The following STARD13 variants were observed in gnomAD, a reference collection of about 807,000 sequenced individuals.
STARD13 encodes stAR-related lipid transfer protein 13.
Under a neutral mutation model 106.4 loss-of-function variants are expected in STARD13, and 62 were observed. The ratio of observed to expected loss-of-function variants is 0.58; its 90% CI spans 0.48 to 0.72. STARD13 has a LOEUF of 0.72. Ranked by LOEUF, STARD13 falls within the 30% of genes least tolerant of loss-of-function variation. The pLI, the probability that STARD13 is intolerant of heterozygous loss-of-function variation, is 0.00. For synonymous variants in STARD13, 565 were observed against 553.0 expected (o/e 1.02, Z -0.31); for missense variants, 1,387 against 1,424.0 (o/e 0.97, Z 0.42).
the STARD13 span, among the ~76,000 whole-genome samples, chr13:33,559,880 GCTT>G: frequency 2.5e-4 from 38 of 151,406 alleles, 3 homozygotes; most frequent in African/African-American, 8.8e-4. Context: ...AGACACTAGA[GCTT>G]CTTCTCTGCC....
chr13:33,260,740 C>G (rs527610648), intron 1 of STARD13, among the ~76,000 whole-genome samples: 1 of 152,322 alleles, frequency 6.6e-6, no homozygotes, highest in Admixed American at 6.5e-5. Context: ...CTTACCAAAA[C>G]ATTTACATAA....
intron 3 of STARD13, among the ~76,000 whole-genome samples, chr13:33,164,920 G>C (rs960816370): frequency 6.6e-6 from 1 of 152,082 alleles, no homozygotes; most frequent in Non-Finnish European, 1.5e-5. Flanking sequence ...TAGTTTTTCA[G>C]AGCCTTCCCT....
the STARD13 span, among the ~76,000 whole-genome samples, chr13:33,380,487 AC>A: frequency 3.8e-3 from 273 of 71,648 alleles, 4 homozygotes; most frequent in African/African-American, 0.015. Flanking sequence ...CACCCCCCCC[AC>A]ACACAAATTC....
At chr13:33,218,858 T>C (rs936362970) in intron 1 of STARD13, among the ~76,000 whole-genome samples, 1 of 152,168 alleles carries the variant, frequency 6.6e-6, no homozygotes, top group African/African-American at 2.4e-5. Flanking sequence ...CTGTGATAAA[T>C]ACGAATTAGG....
chr13:33,671,089 T>A, the STARD13 span, among the ~76,000 whole-genome samples: 3 of 152,378 alleles, frequency 2.0e-5, no homozygotes, highest in East Asian at 5.8e-4. Flanking sequence ...TTGCACCCTA[T>A]GTATTTTGTG....
At chr13:33,612,399 C>T in the STARD13 span, among the ~76,000 whole-genome samples, 1 of 152,062 alleles carries the variant, frequency 6.6e-6, no homozygotes, top group Non-Finnish European at 1.5e-5. Context: ...TGATGCCTTC[C>T]TGTGTGTGTG....
the STARD13 span, among the ~76,000 whole-genome samples, chr13:33,558,249 C>T: frequency 1.3e-5 from 2 of 152,156 alleles, no homozygotes; most frequent in African/African-American, 2.4e-5. Context: ...GTACATACCT[C>T]TCTATGCCTC....
intron 1 of STARD13, among the ~76,000 whole-genome samples, chr13:33,320,561 G>C (rs946009062): frequency 6.6e-6 from 1 of 152,056 alleles, no homozygotes; most frequent in African/African-American, 2.4e-5. Flanking sequence ...CCTCCTCTCA[G>C]GTGTACTCAG....
At chr13:33,330,641 G>A (rs571092085) in intron 1 of STARD13, among the ~76,000 whole-genome samples, 61 of 151,992 alleles carry the variant, frequency 4.0e-4, no homozygotes, top group African/African-American at 1.1e-3. Flanking sequence ...TAACTATTGC[G>A]CAAAAGTCCT....
chr13:33,122,243 A>T (rs1275073712), intron 7 of STARD13, among the ~76,000 whole-genome samples: 1 of 152,156 alleles, frequency 6.6e-6, no homozygotes, highest in Non-Finnish European at 1.5e-5. Context: ...CGGCCTCCCA[A>T]AGTGTTGGGA....
the STARD13 span, among the ~76,000 whole-genome samples, chr13:33,544,076 A>G: frequency 6.6e-6 from 1 of 152,250 alleles, no homozygotes; most frequent in African/African-American, 2.4e-5. Flanking sequence ...CAAGTATACT[A>G]AATATTTCAG....
intron 1 of STARD13, among the ~76,000 whole-genome samples, chr13:33,307,928 G>A (rs1238004564): frequency 6.6e-6 from 1 of 152,196 alleles, no homozygotes; most frequent in African/African-American, 2.4e-5. Context: ...AAGAGCAATT[G>A]TGGTTTCCTT....
intron 1 of STARD13, among the ~76,000 whole-genome samples, chr13:33,233,862 G>A (rs570121527): frequency 3.3e-5 from 5 of 152,368 alleles, no homozygotes; most frequent in Admixed American, 2.0e-4. Context: ...AGTTGCTCCT[G>A]TGTCAGCAGC....
At chr13:33,500,588 C>A in the STARD13 span, among the ~76,000 whole-genome samples, 1 of 152,016 alleles carries the variant, frequency 6.6e-6, no homozygotes, top group Non-Finnish European at 1.5e-5. Flanking sequence ...TAAATAAATC[C>A]ATTTTGGGTG....
chr13:33,213,015 AG>A (rs1266419592), intron 1 of STARD13, among the ~76,000 whole-genome samples: 1 of 152,176 alleles, frequency 6.6e-6, no homozygotes, highest in African/African-American at 2.4e-5. Flanking sequence ...TGTACTTGCT[AG>A]TTGAGTTATT....
chr13:33,295,848 GA>G (rs1260407758), intron 1 of STARD13, among the ~76,000 whole-genome samples: 5 of 151,998 alleles, frequency 3.3e-5, no homozygotes, highest in East Asian at 1.9e-4. Flanking sequence ...CCCATGAAGA[GA>G]AAAAAACTGC....
intron 1 of STARD13, among the ~76,000 whole-genome samples, chr13:33,331,957 A>C (rs1453179870): frequency 1.3e-5 from 2 of 152,184 alleles, no homozygotes; most frequent in East Asian, 3.8e-4. Context: ...AAATTTGAAT[A>C]ATCAAGGAGG....
chr13:33,524,396 G>GT, the STARD13 span: 19 of 465,662 alleles, frequency 4.1e-5, no homozygotes, highest in Non-Finnish European at 5.7e-5. Context: ...TTTTAAAGAG[G>GT]TTTTTTTCAT....
chr13:33,577,174 T>A, the STARD13 span, among the ~76,000 whole-genome samples: 2 of 152,194 alleles, frequency 1.3e-5, no homozygotes, highest in Non-Finnish European at 2.9e-5. Flanking sequence ...TACTACAGAT[T>A]TGTGCAGCAC....
Sources: allele counts gnomAD v4.1 joint callset (sites outside exome capture counted in the v4.1 genomes callset), GRCh38; gene constraint gnomAD v4.1.1; transcripts MANE v1.5; gene names NCBI Gene and HGNC (gene_info 2026-07-23, HGNC 2026-07-21).